The following ZFR2 variants were observed in gnomAD, a reference collection of about 807,000 sequenced individuals.
ZFR2 encodes zinc finger RNA-binding protein 2.
A neutral mutation model predicts 105.7 loss-of-function variants in ZFR2; 104 were observed. The ratio of observed to expected loss-of-function variants is 0.98; its 90% CI spans 0.84 to 1.16. ZFR2 has a LOEUF of 1.16. Among genes scored for constraint, ZFR2 ranks in the 50% most tolerant of loss-of-function variants. The probability of loss-of-function intolerance (pLI) is 0.00; values close to 1 mark genes in which losing one functional copy is unlikely to be tolerated. For synonymous variants in ZFR2, 634 were observed against 597.7 expected (o/e 1.06, Z -0.89); for missense variants, 1,425 against 1,355.5 (o/e 1.05, Z -0.80).
chr19:3,836,298 C>T (rs905274807), intron 1 of ZFR2, among the ~76,000 whole-genome samples: 15 of 152,006 alleles, frequency 9.9e-5, no homozygotes, highest in Admixed American at 9.8e-4. Context: ...CCTATGAATG[C>T]GGAAGGCCAA....
chr19:3,857,845 C>A (rs961028385), intron 1 of ZFR2, among the ~76,000 whole-genome samples: 1 of 152,108 alleles, frequency 6.6e-6, no homozygotes, highest in Admixed American at 6.6e-5. Flanking sequence ...GAGACAGCTG[C>A]CATCTCCATG....
At chr19:3,856,579 G>A (rs4807520) in intron 1 of ZFR2, among the ~76,000 whole-genome samples, 22,919 of 151,880 alleles carry the variant, frequency 0.15, 1,995 homozygotes, top group Admixed American at 0.25. Flanking sequence ...CCCAGCCCCC[G>A]GAACCACTAA....
chr19:3,830,980 CAT>C (rs113871832), intron 5 of ZFR2, among the ~76,000 whole-genome samples: 22,697 of 150,590 alleles, frequency 0.15, 2,013 homozygotes, highest in East Asian at 0.28. Flanking sequence ...CATGCACACA[CAT>C]ACACACACGC....
Position 3,809,538 on chromosome 19 carries a change from G to C in ZFR2, c.2434-555C>G, listed in dbSNP as rs35192390. Among the ~76,000 whole-genome samples, 869 of 152,294 alleles carry C rather than the reference G, an allele frequency of 5.7e-3. 6 individuals carry two copies. Among genetic ancestry groups the C allele is most frequent in the Non-Finnish European group, 0.011 (716 of 68,030 alleles). ...CCTCTACAGTCACAGCAGGAAAACA[G>C]GTCTCAGGGAACACAGGCTTTCTCC... On this transcript the variant is annotated intron_variant, in intron 16 of 18. Coordinates refer to ENST00000262961, the MANE Select transcript of ZFR2 (RefSeq NM_015174.2).
chr19:3,867,926 G>A (rs1039570316), intron 1 of ZFR2, among the ~76,000 whole-genome samples: 3 of 150,422 alleles, frequency 2.0e-5, no homozygotes, highest in African/African-American at 7.3e-5. Context: ...TACCCTCCCA[G>A]GTCTCTGCCT....
At chr19:3,826,949 A>G (rs2037957281) in intron 6 of ZFR2, among the ~76,000 whole-genome samples, 1 of 151,902 alleles carries the variant, frequency 6.6e-6, no homozygotes, top group Non-Finnish European at 1.5e-5. Flanking sequence ...CCTTTTTATA[A>G]GTGGAAAGGA....
rs977911465 is a variant in ZFR2, at chr19:3,816,871, C to T, written c.1932-26G>A. On this transcript the variant is annotated intron_variant, in intron 12 of 18. Transcript: ENST00000262961. ...CTGTGGGGACAAAGCCACAGACGTG[C>T]GCCATCAGCGGAGAGACGCGGGGTA... is the stretch of plus-strand genomic sequence containing the variant. The T allele has an allele frequency of 9.1e-6, 14 of 1,531,680 alleles. No homozygotes were observed. In the East Asian group the frequency reaches 2.0e-4, roughly 22 times the overall value. 94.9% of individuals were successfully genotyped at this position (1,531,680 alleles called of 1,614,324 possible). A position where few individuals can be genotyped will look rare whatever the true frequency, so the allele number is the denominator to read the frequency against.
At chr19:3,818,761 T>C (rs987008536) in intron 12 of ZFR2, among the ~76,000 whole-genome samples, 2 of 152,234 alleles carry the variant, frequency 1.3e-5, no homozygotes, top group African/African-American at 2.4e-5. Context: ...ACAGAGACTG[T>C]CAGTCCCTTG....
At chr19:3,862,711 A>G (rs1277199637) in intron 1 of ZFR2, among the ~76,000 whole-genome samples, 1 of 152,240 alleles carries the variant, frequency 6.6e-6, no homozygotes, top group Non-Finnish European at 1.5e-5. Flanking sequence ...GTCATTTGAA[A>G]AGGTTTCCTG....
chr19:3,830,906 C>CAT (rs2145158046), intron 5 of ZFR2, among the ~76,000 whole-genome samples: 1 of 152,218 alleles, frequency 6.6e-6, no homozygotes, highest in South Asian at 2.1e-4. Flanking sequence ...CACACACACA[C>CAT]ACGGGCGCAT....
Position 3,822,235 on chromosome 19 carries a change from C to T in ZFR2, c.1372-35G>A, listed in dbSNP as rs368380776. The T allele has an allele frequency of 5.2e-4, 805 of 1,552,782 alleles. 1 individual carries two copies. Among genetic ancestry groups the T allele is most frequent in the Non-Finnish European group, 6.2e-4 (710 of 1,145,876 alleles). On this transcript the variant is annotated intron_variant, in intron 8 of 18. Coordinates refer to ENST00000262961, the MANE Select transcript of ZFR2 (RefSeq NM_015174.2). ...AGAACAGCCGCACGCGCACCAGGCA[C>T]GAGGCGGGGTGGGATGTGAGATGCT...
At chr19:3,848,774 G>A (rs1450937790) in intron 1 of ZFR2, among the ~76,000 whole-genome samples, 3 of 151,868 alleles carry the variant, frequency 2.0e-5, no homozygotes, top group Admixed American at 6.6e-5. Flanking sequence ...GGCGGATCAC[G>A]AGGTCAGGAG....
intron 3 of ZFR2, among the ~76,000 whole-genome samples, chr19:3,833,324 C>T (rs1005617233): frequency 2.0e-4 from 31 of 151,586 alleles, no homozygotes; most frequent in African/African-American, 7.0e-4. Context: ...CGCCTGTAAT[C>T]GCAGCACTTT....
At chr19:3,812,709 G>T (rs1286122974) in intron 14 of ZFR2, among the ~76,000 whole-genome samples, 1 of 152,080 alleles carries the variant, frequency 6.6e-6, no homozygotes, top group African/African-American at 2.4e-5. Context: ...ATGACTATTT[G>T]TGAGGACTGA....
At chr19:3,843,856 G>A (rs1351563720) in intron 1 of ZFR2, among the ~76,000 whole-genome samples, 6 of 150,980 alleles carry the variant, frequency 4.0e-5, no homozygotes, top group African/African-American at 1.2e-4. Context: ...AAGAAAGAAA[G>A]AAAAAAAACA....
Position 3,852,433 on chromosome 19 carries a change from C to T in ZFR2, c.53+16532G>A, listed in dbSNP as rs1190235238. On this transcript the variant is annotated intron_variant, in intron 1 of 18. Transcript: ENST00000262961. Reference sequence around the variant, plus strand: ...ACTCTTCTCCTTATATCTCCTCCTCCAGCAGGCCAGCCTTGGGTCCTTCAC... The same window carrying T: ...ACTCTTCTCCTTATATCTCCTCCTCTAGCAGGCCAGCCTTGGGTCCTTCAC... 4.2e-6 allele frequency: 3 copies of T among 716,568 alleles called. No homozygotes were observed. The African/African-American group carries it at 5.2e-5, about 13-fold the overall frequency. The allele number at this position is 716,568 out of a possible 1,614,324, so 44.4% of individuals were successfully genotyped here.
rs2038066590 is a variant in ZFR2, at chr19:3,835,100, AC to A, written c.54-118del. The A allele has an allele frequency of 9.0e-6, 11 of 1,223,586 alleles. No homozygotes were observed. In the East Asian group the frequency reaches 2.8e-4, roughly 31 times the overall value. 75.8% of individuals were successfully genotyped at this position (1,223,586 alleles called of 1,614,324 possible). ...ACCTGAGCTGCCCTGCTTGGTGGAG[AC>A]CCTCCTAGGAGCCCAGGCACGGCCG... On this transcript the variant is annotated intron_variant, in intron 1 of 18. Transcript: ENST00000262961.
chr19:3,859,564 C>A (rs1484286848), intron 1 of ZFR2, among the ~76,000 whole-genome samples: 1 of 152,246 alleles, frequency 6.6e-6, no homozygotes, highest in African/African-American at 2.4e-5. Flanking sequence ...CACCTGCACT[C>A]CCGCGTTCTG....
intron 1 of ZFR2, among the ~76,000 whole-genome samples, chr19:3,866,862 G>A (rs910718727): frequency 2.0e-5 from 3 of 152,128 alleles, no homozygotes; most frequent in Admixed American, 1.3e-4. Flanking sequence ...GCTCCATTCT[G>A]GGAAATCAGC....
Sources: allele counts gnomAD v4.1 joint callset (sites outside exome capture counted in the v4.1 genomes callset), GRCh38; gene constraint gnomAD v4.1.1; transcripts MANE v1.5; gene names NCBI Gene and HGNC (gene_info 2026-07-23, HGNC 2026-07-21).